REST: variants seen among roughly 807,000 people sequenced by gnomAD.
REST encodes RE1 silencing transcription factor.
REST carries 1 observed loss-of-function variant against 30.4 expected under a neutral mutation model. The observed-to-expected ratio is 0.03, with a 90% CI of 0.01 to 0.16. REST has a LOEUF of 0.16. Among genes scored for constraint, REST ranks in the 10% least tolerant of loss-of-function variants. The pLI, the probability that REST is intolerant of heterozygous loss-of-function variation, is 1.00. For synonymous variants in REST, 504 were observed against 451.1 expected (o/e 1.12, Z -1.49); for missense variants, 1,259 against 1,329.5 (o/e 0.95, Z 0.82).
chr4:56,934,778 A>ATGTTATT lies in REST; in HGVS notation c.*2630_*2636dup, dbSNP rs1489328880. 6.6e-6 allele frequency: 1 copy of ATGTTATT among 152,196 alleles called. No individual in the cohort carries two copies. The highest frequency in any genetic ancestry group is 1.5e-5 in the Non-Finnish European group (1 of 68,026). The allele number at this position is 152,196 out of a possible 1,614,324, so 9.4% of individuals were successfully genotyped here. On this transcript the variant is annotated 3_prime_UTR_variant, in exon 4 of 4. Transcript: ENST00000309042. ...TTGGATAAAAGAACAAAAATTGAAC[A>ATGTTATT]TGTTATTTGTAAATTGATGTTTAGT...
chr4:56,933,349 C>T lies in REST; in HGVS notation c.*1197C>T, dbSNP rs866706864. On this transcript the variant is annotated 3_prime_UTR_variant, in exon 4 of 4. Coordinates refer to ENST00000309042, the MANE Select transcript of REST (RefSeq NM_005612.5). ...GTAAGTGATATTTGGAAACTACAAA[C>T]CTGGAATTAGGAGATATAATTATTC... 1 of 152,116 alleles carries T rather than the reference C, an allele frequency of 6.6e-6. No homozygotes were observed. Among genetic ancestry groups the T allele is most frequent in the Middle Eastern group, 3.2e-3 (1 of 314 alleles). 9.4% of individuals were successfully genotyped at this position (152,116 alleles called of 1,614,324 possible).
In REST at chr4:56,931,970, G is replaced by C; in HGVS notation, c.3112G>C (p.Val1038Leu). The C allele has an allele frequency of 6.2e-7, 1 of 1,614,236 alleles. No individual in the cohort carries two copies. The highest frequency in any genetic ancestry group is 8.5e-7 in the Non-Finnish European group (1 of 1,180,038). Residue 1038 changes from valine to leucine, a missense_variant, in exon 4 of 4, where the codon GTT (valine) becomes CTT (leucine). By Grantham distance (32) the Val-to-Leu change is conservative. Coordinates refer to ENST00000309042, the MANE Select transcript of REST (RefSeq NM_005612.5). ...DDSGLHGARP[V>L]PQESSRKNAK... is the part of the protein sequence containing the mutation. ...TTCTGGATTGCATGGGGCTCGGCCAGTTCCACAAGAATCTAGCAGAAAAAA... is the reference window on the plus strand; with the variant it reads ...TTCTGGATTGCATGGGGCTCGGCCACTTCCACAAGAATCTAGCAGAAAAAA...
At chr4:56,919,319 A>C (rs1267102963) in intron 2 of REST, among the ~76,000 whole-genome samples, 1 of 152,066 alleles carries the variant, frequency 6.6e-6, no homozygotes, top group South Asian at 2.1e-4. Flanking sequence ...ATTCTCACTC[A>C]GAAGTATTGT....
chr4:56,911,294 A>ACCGCTGCGG lies in REST; in HGVS notation c.658_666dup (p.Arg220_Gly222dup). ...TTCTCCAAGGGCCCCATTCGCTGTG[A>ACCGCTGCGG]CCGCTGCGGCTACAATACTAATCGA... On this transcript the variant is annotated inframe_insertion, in exon 2 of 4. Transcript: ENST00000309042. 6.2e-7 allele frequency: 1 copy of ACCGCTGCGG among 1,614,150 alleles called. No homozygotes were observed. Among genetic ancestry groups the ACCGCTGCGG allele is most frequent in the Non-Finnish European group, 8.5e-7 (1 of 1,180,034 alleles).
intron 2 of REST, among the ~76,000 whole-genome samples, chr4:56,918,301 G>A (rs1720297332): frequency 6.6e-6 from 1 of 151,262 alleles, no homozygotes. Flanking sequence ...AGACCAGTCT[G>A]GGCAACATGG....
At chr4:56,928,448 C>T (rs1448512150) in intron 3 of REST, among the ~76,000 whole-genome samples, 1 of 151,942 alleles carries the variant, frequency 6.6e-6, no homozygotes, top group Non-Finnish European at 1.5e-5. Flanking sequence ...CAGGGCCTTG[C>T]CCTGTTGCCC....
At chr4:56,917,218 G>C (rs557356631) in intron 2 of REST, among the ~76,000 whole-genome samples, 7 of 152,180 alleles carry the variant, frequency 4.6e-5, no homozygotes, top group Non-Finnish European at 1.0e-4. Flanking sequence ...CATAAGGTAG[G>C]CATTCTGTTG....
intron 3 of REST, among the ~76,000 whole-genome samples, chr4:56,926,562 A>G (rs1474685961): frequency 4.6e-5 from 7 of 151,366 alleles, no homozygotes; most frequent in Admixed American, 3.3e-4. Context: ...TATTTTTACA[A>G]AATGCCTCCC....
In REST at chr4:56,930,698, G is replaced by C; in HGVS notation, c.1840G>C (p.Gly614Arg). Residue 614 changes from glycine (G) to arginine (R), a missense_variant, in exon 4 of 4, where the codon GGG becomes CGG. Gly to Arg is a moderately radical substitution (Grantham distance 125, BLOSUM62 -2). This residue lies in a region of REST where 856 missense variants were observed against 772.8 expected (regional missense o/e 1.11). Transcript: ENST00000309042. ...TGCTCAGATGGACCCTCCTCAGATG[G>C]GGCCTGCTCCCACAGAGGCGGTTCA... ...GSAQMDPPQM[G>R]PAPTEAVQKG... 2 of 1,609,424 alleles carry C rather than the reference G, an allele frequency of 1.2e-6. No homozygotes were observed. The highest frequency in any genetic ancestry group is 4.5e-5 in the East Asian group (2 of 44,848).
intron 2 of REST, among the ~76,000 whole-genome samples, chr4:56,915,572 G>A (rs1462963907): frequency 6.6e-6 from 1 of 152,048 alleles, no homozygotes; most frequent in African/African-American, 2.4e-5. Context: ...AAACAATTTG[G>A]TGATGTATAG....
chr4:56,908,178 TC>T lies in REST; in HGVS notation c.-44del, dbSNP rs1719705661. 5.4e-6 allele frequency: 1 copy of T among 185,288 alleles called. No individual in the cohort carries two copies. Among genetic ancestry groups the T allele is most frequent in the African/African-American group, 2.4e-5 (1 of 41,572 alleles). The allele number at this position is 185,288 out of a possible 1,614,324, so 11.5% of individuals were successfully genotyped here. On this transcript the variant is annotated 5_prime_UTR_variant, in exon 1 of 4. Coordinates refer to ENST00000309042, the MANE Select transcript of REST (RefSeq NM_005612.5). ...AAGTAGTCGGAGAAGGAGCGGCGAC[TC>T]AGGGTCGCCCGCCCCTCCTCACCGA...
Position 56,910,904 on chromosome 4 carries a change from A to G in REST, c.266A>G (p.Glu89Gly), listed in dbSNP as rs796154475. The change falls in exon 2 of 4, where the codon GAA becomes GGA. Residue 89 changes from glutamate to glycine, a missense_variant. By Grantham distance (98) the Glu-to-Gly change is moderately conservative. Around this residue, in one of 5 missense-constraint regions of REST, gnomAD observed 249 missense variants for 251.5 expected, o/e 0.99. Transcript: ENST00000309042. The part of the protein sequence containing the change: ...VGDNNFSDSE[E>G]GEGLEESADI... ...GATAACAACTTTTCAGATAGTGAAGAAGGAGAAGGACTTGAAGAGTCTGCT... is the reference window on the plus strand; with the variant it reads ...GATAACAACTTTTCAGATAGTGAAGGAGGAGAAGGACTTGAAGAGTCTGCT... 2.5e-5 allele frequency: 40 copies of G among 1,614,204 alleles called. No individual in the cohort carries two copies. The African/African-American group carries it at 2.8e-4, about 11-fold the overall frequency.
intron 2 of REST, among the ~76,000 whole-genome samples, chr4:56,915,003 C>T (rs1192919677): frequency 1.4e-5 from 2 of 144,782 alleles, no homozygotes; most frequent in African/African-American, 5.2e-5. Flanking sequence ...CGGCTCACTG[C>T]AACCTCCGCC....
At position 56,910,878 on chromosome 4, in the gene REST, G is replaced by A. The variant is rs757794452; in HGVS notation, c.240G>A (p.Gly80=). 6.2e-7 allele frequency: 1 copy of A among 1,614,160 alleles called. No homozygotes were observed. The highest frequency in any genetic ancestry group is 1.1e-5 in the South Asian group (1 of 91,082). The change falls in exon 2 of 4, where the codon GGG becomes GGA. Residue 80 remains glycine, a synonymous_variant. Coordinates refer to ENST00000309042, the MANE Select transcript of REST (RefSeq NM_005612.5). ...AGATGGCAGAACTGATGCCGGTTGGGGATAACAACTTTTCAGATAGTGAAG... is the reference window on the plus strand; with the variant it reads ...AGATGGCAGAACTGATGCCGGTTGGAGATAACAACTTTTCAGATAGTGAAG... The part of the protein sequence containing the change: ...ERQMAELMPV[G]DNNFSDSEEG...
rs1161315689 is a variant in REST at position 56,931,172 on chromosome 4, G to A, written c.2314G>A (p.Val772Ile). Reference protein sequence around the residue: ...KIELSPPIEVVQKEPVQMELS... With the variant: ...KIELSPPIEVIQKEPVQMELS... The stretch of plus-strand genomic sequence containing the variant: ...AGAGCTGTCTCCTCCCATAGAGGTG[G>A]TCCAGAAGGAGCCTGTTCAGATGGA... The change falls in exon 4 of 4, where the codon GTC (valine) becomes ATC (isoleucine). Residue 772 changes from valine to isoleucine, a missense_variant. By Grantham distance (29) the Val-to-Ile change is conservative. Coordinates refer to ENST00000309042, the MANE Select transcript of REST (RefSeq NM_005612.5). 1 of 1,613,798 alleles carries A rather than the reference G, an allele frequency of 6.2e-7. No homozygotes were observed. The highest frequency in any genetic ancestry group is 8.5e-7 in the Non-Finnish European group (1 of 1,179,742).
chr4:56,923,895 G>A (rs1338925072), intron 3 of REST, among the ~76,000 whole-genome samples: 1 of 151,706 alleles, frequency 6.6e-6, no homozygotes. Context: ...CTAATTTTTT[G>A]TATTTTTAGT....
chr4:56,919,274 C>G (rs1720341249), intron 2 of REST, among the ~76,000 whole-genome samples: 1 of 152,060 alleles, frequency 6.6e-6, no homozygotes, highest in Non-Finnish European at 1.5e-5. Flanking sequence ...GTCTGGAACT[C>G]TACCACTTGA....
chr4:56,910,171 A>G lies in REST; in HGVS notation c.-9-459A>G, dbSNP rs139834935. ...CCAGATGTGTTTGTGTACTTAATAA[A>G]TGCACTGAATGGCTTGTGGATTTCT... On this transcript the variant is annotated intron_variant, in intron 1 of 3. Transcript: ENST00000309042. Among the ~76,000 whole-genome samples, 6 of 152,342 alleles carry G rather than the reference A, an allele frequency of 3.9e-5. No individual in the cohort carries two copies. In the East Asian group the frequency reaches 1.2e-3, roughly 29 times the overall value.
intron 3 of REST, among the ~76,000 whole-genome samples, chr4:56,925,837 A>G (rs1720679582): frequency 6.6e-6 from 1 of 152,088 alleles, no homozygotes; most frequent in African/African-American, 2.4e-5. Flanking sequence ...TTAAACAGAA[A>G]ATTTCTACAT....
Sources: gnomAD v4.1 joint callset for allele counts (sites outside exome capture counted in the v4.1 genomes callset) on GRCh38, gnomAD v4.1.1 for gene constraint, gnomAD v4.1.1 regional missense constraint, MANE v1.5 for transcripts, NCBI Gene and HGNC (gene_info 2026-07-23, HGNC 2026-07-21) for gene names.